The following NTNG1 variants were observed in gnomAD, a reference collection of about 807,000 sequenced individuals.
The protein encoded by NTNG1 is netrin G1.
Under a neutral mutation model 54.0 loss-of-function variants are expected in NTNG1, and 16 were observed. The observed-to-expected ratio is 0.30, with a 90% CI of 0.20 to 0.45. NTNG1 has a LOEUF of 0.45. NTNG1 is among the 20% of genes least tolerant of loss of function. NTNG1 has a pLI of 1.00. For synonymous variants in NTNG1, 255 were observed against 263.1 expected (o/e 0.97, Z 0.30); for missense variants, 530 against 678.7 (o/e 0.78, Z 2.43).
intron 2 of NTNG1, among the ~76,000 whole-genome samples, chr1:107,275,999 G>A (rs865902109): frequency 2.0e-4 from 31 of 152,270 alleles, no homozygotes; most frequent in Admixed American, 4.6e-4. Flanking sequence ...AATGCAGAAG[G>A]TGCTAAACTT....
In NTNG1 at chr1:107,228,041, C is replaced by A. The variant is rs532190893; in HGVS notation, c.246+79202C>A. Among the ~76,000 whole-genome samples the A allele has an allele frequency of 2.6e-5, 4 of 152,268 alleles. No individual in the cohort carries two copies. The South Asian group carries it at 8.3e-4, about 32-fold the overall frequency. ...TCTAGATAATAAATTATCTATTCTT[C>A]TTTTGTTCTTATTCAAGTACTATGT... On this transcript the variant is annotated intron_variant, in intron 2 of 7. Coordinates refer to ENST00000370068, the MANE Select transcript of NTNG1 (RefSeq NM_001113226.3).
At chr1:107,282,559 T>C (rs1420411194) in intron 2 of NTNG1, among the ~76,000 whole-genome samples, 3 of 152,094 alleles carry the variant, frequency 2.0e-5, no homozygotes, top group African/African-American at 7.2e-5. Flanking sequence ...CAGGCAATGG[T>C]CAGTCCCCTT....
intron 5 of NTNG1, chr1:107,421,223 T>C: frequency 1.0e-6 from 1 of 988,048 alleles, no homozygotes. Context: ...CTGGAATATC[T>C]GTGAAGTGTA....
chr1:107,319,865 T>TTATATATATATA (rs1553225209), intron 2 of NTNG1, among the ~76,000 whole-genome samples: 45 of 147,938 alleles, frequency 3.0e-4, no homozygotes, highest in African/African-American at 1.1e-3. Context: ...TACCTGAGGT[T>TTATATATATATA]TATATATATA....
chr1:107,330,811 T>C (rs1267034754), intron 3 of NTNG1: 1 of 152,074 alleles, frequency 6.6e-6, no homozygotes, highest in African/African-American at 2.4e-5. Context: ...GATTTTTTTG[T>C]TCATAGGTAT....
intron 2 of NTNG1, among the ~76,000 whole-genome samples, chr1:107,273,232 G>A (rs533363461): frequency 9.9e-4 from 150 of 152,240 alleles, no homozygotes; most frequent in African/African-American, 3.1e-3. Flanking sequence ...GAGAATAGCC[G>A]GGAAGTGAGT....
intron 2 of NTNG1, among the ~76,000 whole-genome samples, chr1:107,196,454 C>T (rs1658337935): frequency 6.6e-6 from 1 of 152,016 alleles, no homozygotes; most frequent in African/African-American, 2.4e-5. Flanking sequence ...TGTTAATATG[C>T]TGATTTTTAA....
chr1:107,386,149 G>A (rs2335411), intron 3 of NTNG1, among the ~76,000 whole-genome samples: 51,578 of 98,168 alleles, frequency 0.53, 10,425 homozygotes, highest in Middle Eastern at 0.59. Flanking sequence ...ATATATGTGT[G>A]TATATATATA....
Position 107,480,508 on chromosome 1 carries a change from A to T in NTNG1, c.1391-103A>T, listed in dbSNP as rs546630862. 12 of 639,420 alleles carry T rather than the reference A, an allele frequency of 1.9e-5. No individual in the cohort carries two copies. In the Admixed American group the frequency reaches 1.9e-4, roughly 10 times the overall value. 39.6% of individuals were successfully genotyped at this position (639,420 alleles called of 1,614,324 possible). A position where few individuals can be genotyped will look rare whatever the true frequency, so the allele number is the denominator to read the frequency against. On this transcript the variant is annotated intron_variant, in intron 7 of 7. Coordinates refer to ENST00000370068, the MANE Select transcript of NTNG1 (RefSeq NM_001113226.3). ...GGGGGGAGCACAAAGATCGATAGAG[A>T]TTTTTTTTTTAGGCTGAAAACATGA...
At chr1:107,298,894 G>A (rs1400009515) in intron 2 of NTNG1, among the ~76,000 whole-genome samples, 1 of 152,130 alleles carries the variant, frequency 6.6e-6, no homozygotes, top group East Asian at 1.9e-4. Context: ...GAAAATATAA[G>A]CACCAAACTT....
chr1:107,293,047 A>T (rs573069925), intron 2 of NTNG1, among the ~76,000 whole-genome samples: 1 of 152,256 alleles, frequency 6.6e-6, no homozygotes, highest in East Asian at 1.9e-4. Context: ...ACTCATACAG[A>T]TTCACTGCTG....
Position 107,367,390 on chromosome 1 carries a change from G to C in NTNG1, c.888-27764G>C, listed in dbSNP as rs543452828. Among the ~76,000 whole-genome samples, 3 of 152,212 alleles carry C rather than the reference G, an allele frequency of 2.0e-5. No individual in the cohort carries two copies. In the South Asian group the frequency reaches 6.2e-4, roughly 32 times the overall value. On this transcript the variant is annotated intron_variant, in intron 3 of 7. Coordinates refer to ENST00000370068, the MANE Select transcript of NTNG1 (RefSeq NM_001113226.3). ...CTGAATGTCTGACACCAGCATGCTT[G>C]GTTCATGTCAAATAAGTAGTAAATA... is the stretch of plus-strand genomic sequence containing the variant.
At chr1:107,418,608 G>T in intron 5 of NTNG1, 5 of 1,603,426 alleles carry the variant, frequency 3.1e-6, no homozygotes, top group Non-Finnish European at 3.4e-6. Flanking sequence ...GGATATGGCC[G>T]AATATTTCTT....
chr1:107,308,491 A>G (rs12040112), intron 2 of NTNG1, among the ~76,000 whole-genome samples: 35,607 of 151,814 alleles, frequency 0.23, 4,369 homozygotes, highest in South Asian at 0.36. Flanking sequence ...TGGGCTCTCT[A>G]TTCTGTTCCA....
chr1:107,189,077 C>T (rs182482733), intron 2 of NTNG1, among the ~76,000 whole-genome samples: 238 of 152,016 alleles, frequency 1.6e-3, no homozygotes, highest in African/African-American at 5.5e-3. Flanking sequence ...ATAGGCCTAG[C>T]ACCGTGGCTC....
intron 2 of NTNG1, among the ~76,000 whole-genome samples, chr1:107,178,106 C>T (rs1328332786): frequency 1.3e-5 from 2 of 151,950 alleles, no homozygotes; most frequent in Non-Finnish European, 2.9e-5. Context: ...GTCTTATGTC[C>T]TTTATTCTTA....
intron 7 of NTNG1, chr1:107,455,733 T>C (rs570038737): frequency 1.6e-5 from 6 of 376,380 alleles, no homozygotes; most frequent in Non-Finnish European, 3.5e-5. Context: ...TTTACTGTGG[T>C]AGCAACTTTC....
intron 2 of NTNG1, among the ~76,000 whole-genome samples, chr1:107,242,179 G>A (rs1306761832): frequency 6.6e-6 from 1 of 152,026 alleles, no homozygotes; most frequent in Non-Finnish European, 1.5e-5. Flanking sequence ...AGGAGGGGGG[G>A]TGAGGGGATG....
intron 3 of NTNG1, among the ~76,000 whole-genome samples, chr1:107,386,163 A>T (rs898074273): frequency 3.9e-4 from 29 of 73,788 alleles, no homozygotes; most frequent in South Asian, 5.5e-4. Flanking sequence ...ATATATATAT[A>T]TATTTTTTTT....
Sources: allele counts gnomAD v4.1 joint callset (sites outside exome capture counted in the v4.1 genomes callset), GRCh38; gene constraint gnomAD v4.1.1; transcripts MANE v1.5; gene names NCBI Gene and HGNC (gene_info 2026-07-23, HGNC 2026-07-21).